C6orf132: variants seen among roughly 807,000 people sequenced by gnomAD.
C6orf132 encodes uncharacterized protein C6orf132.
In C6orf132, 43 loss-of-function variants were observed where a neutral mutation model predicts 65.3. That is an observed-to-expected ratio of 0.66 (90% confidence interval 0.52 to 0.85). The LOEUF is 0.85. C6orf132 is among the 40% of genes least tolerant of loss of function. The pLI, the probability that C6orf132 is intolerant of heterozygous loss-of-function variation, is 0.00. For synonymous variants in C6orf132, 631 were observed against 654.1 expected (o/e 0.96, Z 0.54); for missense variants, 1,488 against 1,548.8 (o/e 0.96, Z 0.66).
intron 1 of C6orf132, among the ~76,000 whole-genome samples, chr6:42,139,774 T>C (rs746039215): frequency 6.6e-6 from 1 of 152,216 alleles, no homozygotes; most frequent in Non-Finnish European, 1.5e-5. Context: ...CTTCTTCCAA[T>C]GTGACCCAGG....
chr6:42,116,381 A>G (rs1766571066), intron 2 of C6orf132, among the ~76,000 whole-genome samples: 1 of 152,088 alleles, frequency 6.6e-6, no homozygotes. Flanking sequence ...GTTATGGATC[A>G]CTGTCTTTTC....
chr6:42,120,000 A>G (rs1422867551), intron 2 of C6orf132, among the ~76,000 whole-genome samples: 1 of 151,716 alleles, frequency 6.6e-6, no homozygotes, highest in Non-Finnish European at 1.5e-5. Flanking sequence ...AGGCTGAGGC[A>G]GGAGAATCGC....
chr6:42,124,844 G>A lies in C6orf132; in HGVS notation c.252+3828C>T, dbSNP rs1263261846. Among the ~76,000 whole-genome samples, 9 of 152,206 alleles carry A rather than the reference G, an allele frequency of 5.9e-5. No homozygotes were observed. The highest frequency in any genetic ancestry group is 5.2e-4 in the Admixed American group (8 of 15,280). ...ACAGGAGAGAATTAAGCCGCCAGCC[G>A]GATTCCCCTCCACCCGGGAGCAAGC... On this transcript the variant is annotated intron_variant, in intron 2 of 4. Transcript: ENST00000341865. This position sits in a 1 kb window ranked among gnomAD's most constrained non-coding sequence, Gnocchi z 4.0.
intron 1 of C6orf132, among the ~76,000 whole-genome samples, chr6:42,137,817 GGGGGC>G (rs879694972): frequency 0.27 from 28,919 of 108,382 alleles, 3,848 homozygotes; most frequent in Non-Finnish European, 0.35. Context: ...AGGCAGGGGC[GGGGGC>G]GGGGCGGGGC....
Position 42,104,825 on chromosome 6 carries a change from C to T in C6orf132, c.3087G>A (p.Gly1029=). 1 of 1,462,534 alleles carries T rather than the reference C, an allele frequency of 6.8e-7. No individual in the cohort carries two copies. Among genetic ancestry groups the T allele is most frequent in the Middle Eastern group, 2.1e-4 (1 of 4,662 alleles). The allele number at this position is 1,462,534 out of a possible 1,614,324, so 90.6% of individuals were successfully genotyped here. A position where few individuals can be genotyped will look rare whatever the true frequency, so the allele number is the denominator to read the frequency against. The change falls in exon 4 of 5, where the codon GGG becomes GGA. Residue 1029 remains glycine, a synonymous_variant. Coordinates refer to ENST00000341865, the MANE Select transcript of C6orf132 (RefSeq NM_001164446.3). This position sits in a 1 kb window ranked among gnomAD's most constrained non-coding sequence, Gnocchi z 4.1. ...DLRQLPNAGP[G]APPALGFSRF... is the part of the protein sequence containing the mutation. ...GCGAGAAGCCGAGAGCCGGGGGCGC[C>T]CCGGGGCCAGCGTTCGGGAGCTGCC...
chr6:42,104,844 A>T lies in C6orf132; in HGVS notation c.3068T>A (p.Leu1023His), dbSNP rs1193954614. 35 of 1,455,882 alleles carry T rather than the reference A, an allele frequency of 2.4e-5. No individual in the cohort carries two copies. Among genetic ancestry groups the T allele is most frequent in the Non-Finnish European group, 3.2e-5 (35 of 1,111,014 alleles). 90.2% of individuals were successfully genotyped at this position (1,455,882 alleles called of 1,614,324 possible). A position where few individuals can be genotyped will look rare whatever the true frequency, so the allele number is the denominator to read the frequency against. Residue 1023 changes from leucine (L) to histidine (H), a missense_variant, in exon 4 of 5, where the codon CTC (leucine) becomes CAC (histidine). Physicochemically the swap from Leu to His is moderately conservative, Grantham distance 99 (BLOSUM62 -3). Coordinates refer to ENST00000341865, the MANE Select transcript of C6orf132 (RefSeq NM_001164446.3). This position sits in a 1 kb window ranked among gnomAD's most constrained non-coding sequence, Gnocchi z 4.1. Reference protein sequence around the residue: ...PRNNYSDLRQLPNAGPGAPPA... With the variant: ...PRNNYSDLRQHPNAGPGAPPA... Reference sequence around the variant, plus strand: ...GGGCGCCCCGGGGCCAGCGTTCGGGAGCTGCCTCAAGTCTGAGTAGTTGTT... The same window carrying T: ...GGGCGCCCCGGGGCCAGCGTTCGGGTGCTGCCTCAAGTCTGAGTAGTTGTT...
At chr6:42,108,121 C>T (rs771054844) in intron 3 of C6orf132, among the ~76,000 whole-genome samples, 1 of 152,212 alleles carries the variant, frequency 6.6e-6, no homozygotes, top group African/African-American at 2.4e-5. Flanking sequence ...CTTCAGTTAT[C>T]CCCTTTGAGT....
chr6:42,106,911 G>A lies in C6orf132; in HGVS notation c.1001C>T (p.Ala334Val). 6.5e-7 allele frequency: 1 copy of A among 1,536,228 alleles called. No individual in the cohort carries two copies. The highest frequency in any genetic ancestry group is 8.7e-7 in the Non-Finnish European group (1 of 1,146,480). Residue 334 changes from alanine to valine, a missense_variant, in exon 4 of 5, where the codon GCT becomes GTT. Ala to Val is a moderately conservative substitution (Grantham distance 64). Transcript: ENST00000341865. Reference protein sequence around the residue: ...PRKEEGATKKAPSRLPLPPSF... With the variant: ...PRKEEGATKKVPSRLPLPPSF... ...GGGAGGCAGTGGGAGTCGGCTGGGAGCCTTCTTGGTGGCCCCCTCTTCCTT... is the reference window on the plus strand; with the variant it reads ...GGGAGGCAGTGGGAGTCGGCTGGGAACCTTCTTGGTGGCCCCCTCTTCCTT...
rs1213791174 is a variant in C6orf132, at chr6:42,103,825, C to T, written c.3503G>A (p.Arg1168Lys). Residue 1168 changes from arginine (R) to lysine (K), a missense_variant, in exon 5 of 5, where the codon AGG becomes AAG. Transcript: ENST00000341865. The stretch of plus-strand genomic sequence containing the variant: ...GGAGATGGGATGGCGGGTCCCAGGC[C>T]TCACGGTGAACGTGTTGATGGGGCT... ...YGSPINTFTV[R>K]PGTRHPISYV... The T allele has an allele frequency of 6.7e-7, 1 of 1,491,864 alleles. No individual in the cohort carries two copies. The highest frequency in any genetic ancestry group is 2.2e-5 in the Admixed American group (1 of 45,556). 92.4% of individuals were successfully genotyped at this position (1,491,864 alleles called of 1,614,324 possible).
chr6:42,142,300 C>CGAG lies in C6orf132; in HGVS notation c.144_145insCTC (p.Phe48_Asp49insLeu), dbSNP rs1767049329. On this transcript the variant is annotated inframe_insertion and splice_region_variant, in exon 1 of 5. Transcript: ENST00000341865. ...CGCCCTCCGTCCCCGGAGTACTCAC[C>CGAG]GAAGCCCCCGGTCCCCTCCTCCGGG... 6.5e-7 allele frequency: 1 copy of CGAG among 1,550,106 alleles called. No individual in the cohort carries two copies. The highest frequency in any genetic ancestry group is 1.4e-5 in the African/African-American group (1 of 73,062).
At chr6:42,110,602 T>G (rs1169498741) in intron 2 of C6orf132, among the ~76,000 whole-genome samples, 3 of 152,194 alleles carry the variant, frequency 2.0e-5, no homozygotes, top group Non-Finnish European at 4.4e-5. Context: ...GTCACAAGAT[T>G]TTTGTCAACT....
chr6:42,139,168 G>T (rs775672321), intron 1 of C6orf132, among the ~76,000 whole-genome samples: 1 of 151,982 alleles, frequency 6.6e-6, no homozygotes, highest in Non-Finnish European at 1.5e-5. Context: ...CCATTCCACC[G>T]CCTGTTCTCT....
rs55772414 is a variant in C6orf132 at position 42,107,331 on chromosome 6, A to G, written c.581T>C (p.Leu194Ser). Residue 194 changes from leucine (L) to serine (S), a missense_variant, in exon 4 of 5, where the codon TTG (leucine) becomes TCG (serine). By Grantham distance (145) the Leu-to-Ser change is moderately radical. Transcript: ENST00000341865. ...AGTGTGTGGTGGGGATAGGGCCTCCAATACTGGGGGTGGAGGTGGGGCCAT... is the reference window on the plus strand; with the variant it reads ...AGTGTGTGGTGGGGATAGGGCCTCCGATACTGGGGGTGGAGGTGGGGCCAT... ...PSMAPPPPPV[L>S]EALSPPHTLS... 98,586 of 1,051,404 alleles carry G rather than the reference A, an allele frequency of 0.094. 6,773 individuals carry two copies. The highest frequency in any genetic ancestry group is 0.34 in the East Asian group (8,123 of 24,208). 65.1% of individuals were successfully genotyped at this position (1,051,404 alleles called of 1,614,324 possible). A position where few individuals can be genotyped will look rare whatever the true frequency, so the allele number is the denominator to read the frequency against.
At position 42,105,491 on chromosome 6, in the gene C6orf132, TG is replaced by T; in HGVS notation, c.2420del (p.Pro807GlnfsTer22). On this transcript the variant is annotated frameshift_variant, in exon 4 of 5. Coordinates refer to ENST00000341865, the MANE Select transcript of C6orf132 (RefSeq NM_001164446.3). LOFTEE classifies it high-confidence loss of function. ...PGEPVEVKEP[P>X]GLPAKPPASA... ...AGGCAGGAGGCTTGGCTGGCAGCCC[TG>T]GGGGCTCCTTCACCTCCACGGGCTC... 1 of 1,533,324 alleles carries T rather than the reference TG, an allele frequency of 6.5e-7. No homozygotes were observed. Among genetic ancestry groups the T allele is most frequent in the Non-Finnish European group, 8.7e-7 (1 of 1,144,870 alleles). 95.0% of individuals were successfully genotyped at this position (1,533,324 alleles called of 1,614,324 possible).
chr6:42,123,563 GAAGAAGAAGAAGA>G, intron 2 of C6orf132, among the ~76,000 whole-genome samples: 1 of 150,968 alleles, frequency 6.6e-6, no homozygotes, highest in Non-Finnish European at 1.5e-5. Flanking sequence ...AGGAAGAGAA[GAAGAAGAAGAAGA>G]AAGAAGAAAG....
rs1766362860 is a variant in C6orf132, at chr6:42,104,801, C to T, written c.3111G>A (p.Ser1037=). 3 of 1,488,452 alleles carry T rather than the reference C, an allele frequency of 2.0e-6. No individual in the cohort carries two copies. The highest frequency in any genetic ancestry group is 1.3e-5 in the South Asian group (1 of 78,862). 92.2% of individuals were successfully genotyped at this position (1,488,452 alleles called of 1,614,324 possible). The change falls in exon 4 of 5, where the codon TCG becomes TCA. Residue 1037 remains serine (S), a synonymous_variant. Coordinates refer to ENST00000341865, the MANE Select transcript of C6orf132 (RefSeq NM_001164446.3). This position sits in a 1 kb window ranked among gnomAD's most constrained non-coding sequence, Gnocchi z 4.1. ...GPGAPPALGF[S]RFPAGARYAG... ...CGTAGCGCGCGCCCGCGGGAAAGCG[C>T]GAGAAGCCGAGAGCCGGGGGCGCCC...
At chr6:42,127,919 A>T (rs553103145) in intron 2 of C6orf132, among the ~76,000 whole-genome samples, 37 of 150,026 alleles carry the variant, frequency 2.5e-4, no homozygotes, top group African/African-American at 8.5e-4. Flanking sequence ...AAATGTTGCA[A>T]TGACACTCTT....
In C6orf132 at chr6:42,103,054, TAAGGGCTAGGGCC is replaced by T. The variant is rs2127472320; in HGVS notation, c.*694_*706del. The T allele has an allele frequency of 2.5e-6, 1 of 398,690 alleles. No individual in the cohort carries two copies. Among genetic ancestry groups the T allele is most frequent in the South Asian group, 1.3e-4 (1 of 7,864 alleles). The allele number at this position is 398,690 out of a possible 1,614,324, so 24.7% of individuals were successfully genotyped here. ...TCCTCTCTCTAGGCCTCCCTGTAGC[TAAGGGCTAGGGCC>T]AAGGAAAAATGAACCATCAATCTCC... On this transcript the variant is annotated 3_prime_UTR_variant, in exon 5 of 5. Transcript: ENST00000341865.
At chr6:42,137,554 A>G (rs1430091760) in intron 1 of C6orf132, among the ~76,000 whole-genome samples, 1 of 152,110 alleles carries the variant, frequency 6.6e-6, no homozygotes, top group African/African-American at 2.4e-5. Flanking sequence ...ACCTGCAGCC[A>G]CACCAGAGGG....
Sources: allele counts gnomAD v4.1 joint callset (sites outside exome capture counted in the v4.1 genomes callset), GRCh38; gene constraint gnomAD v4.1.1; non-coding constraint Gnocchi (gnomAD v3.1); transcripts MANE v1.5; gene names NCBI Gene and HGNC (gene_info 2026-07-23, HGNC 2026-07-21).